Variants in CFAP251 observed in about 807,000 individuals in gnomAD.
CFAP251 encodes cilia- and flagella-associated protein 251.
In CFAP251, 93 loss-of-function variants were observed where a neutral mutation model predicts 126.7. That is an observed-to-expected ratio of 0.73 (90% CI 0.62 to 0.87). The LOEUF (loss-of-function observed/expected upper bound fraction) is 0.87. Among genes scored for constraint, CFAP251 ranks in the 40% least tolerant of loss-of-function variants. CFAP251 has a pLI of 0.00. For synonymous variants in CFAP251, 503 were observed against 506.9 expected, an observed-to-expected ratio of 0.99 and a Z score of 0.10; for missense variants, 1,287 against 1,389.2, an observed-to-expected ratio of 0.93 and a Z score of 1.17.
At chr12:121,938,918 C>T (rs1029641836) in intron 5 of CFAP251, among the ~76,000 whole-genome samples, 3 of 151,622 alleles carry the variant, frequency 2.0e-5, no homozygotes, top group Non-Finnish European at 2.9e-5. Context: ...ACCCAGGCGG[C>T]GGAGGTTGCA....
At chr12:121,948,881 C>T in intron 7 of CFAP251, 103 bp from the exon 8 acceptor site, 20 of 643,046 alleles carry the variant, frequency 3.1e-5, no homozygotes, top group Middle Eastern at 4.3e-4. Context: ...GTTTTATATT[C>T]CTACTCATTT....
intron 2 of CFAP251, among the ~76,000 whole-genome samples, chr12:121,921,904 C>T (rs1268953462): frequency 6.6e-6 from 1 of 151,514 alleles, no homozygotes; most frequent in African/African-American, 2.4e-5. Flanking sequence ...TCTCCTGCCT[C>T]AGTCTCCTGA....
At chr12:121,939,076 A>G (rs913336221) in intron 5 of CFAP251, among the ~76,000 whole-genome samples, 2 of 152,142 alleles carry the variant, frequency 1.3e-5, no homozygotes, top group Admixed American at 6.5e-5. Flanking sequence ...GAGGTAATCA[A>G]TTTGGTGTGT....
rs1882163630 is a variant in CFAP251 at position 121,966,935 on chromosome 12, CTT to C, written c.2493-18_2493-17del. On this transcript the variant is annotated intron_variant, in intron 15 of 21. Transcript: ENST00000288912. ...TGAGATTTGTGGAATTTTAAAAACTCTTTCTCTTTTTGCCTTCAGAAAGACGC... is the reference window on the plus strand; with the variant it reads ...TGAGATTTGTGGAATTTTAAAAACTCTCTCTTTTTGCCTTCAGAAAGACGC... 2 of 1,608,374 alleles carry C rather than the reference CTT, an allele frequency of 1.2e-6. No individual in the cohort carries two copies. Among genetic ancestry groups the C allele is most frequent in the African/African-American group, 2.7e-5 (2 of 74,776 alleles).
At chr12:122,003,572 C>T (rs750158641) in intron 21 of CFAP251, 80 bp from the exon 22 acceptor site, 2 of 1,169,300 alleles carry the variant, frequency 1.7e-6, no homozygotes, top group Non-Finnish European at 2.5e-6. Context: ...GGCCCTGTCT[C>T]AAACCCCTCC....
At position 121,949,001 on chromosome 12, in the gene CFAP251, C is replaced by A; in HGVS notation, c.1209C>A (p.Asn403Lys). 2 of 1,577,996 alleles carry A rather than the reference C, an allele frequency of 1.3e-6. No homozygotes were observed. The highest frequency in any genetic ancestry group is 1.2e-5 in the South Asian group (1 of 84,796). The change falls in exon 8 of 22, where the codon AAC (asparagine) becomes AAA (lysine). Residue 403 changes from asparagine to lysine, a missense_variant. By Grantham distance (94) the Asn-to-Lys change is moderately conservative (BLOSUM62 0). Transcript: ENST00000288912. ...EYGVQNYVTF[N>K]PTNNKELVSN... is the part of the protein sequence containing the mutation. Reference sequence around the variant, plus strand: ...TATTTCAGAACTACGTTACTTTTAACCCAACAAATAATAAAGAATTGGTGA... The same window carrying A: ...TATTTCAGAACTACGTTACTTTTAAACCAACAAATAATAAAGAATTGGTGA...
intron 5 of CFAP251, among the ~76,000 whole-genome samples, chr12:121,941,330 C>CTTT (rs68005842): frequency 0.057 from 4,985 of 87,604 alleles, 508 homozygotes; most frequent in African/African-American, 0.16. Context: ...CCATGCTGGC[C>CTTT]TTTTTTTTTT....
chr12:121,950,421 T>C (rs1252897217), intron 8 of CFAP251: 1 of 152,186 alleles, frequency 6.6e-6, no homozygotes, highest in East Asian at 1.9e-4. Context: ...CACCGCTGAA[T>C]TGCACACTTT....
intron 17 of CFAP251, chr12:121,971,800 T>A: frequency 1.8e-6 from 1 of 557,312 alleles, no homozygotes; most frequent in Non-Finnish European, 3.3e-6. Flanking sequence ...CATCTTGAAT[T>A]GTACTCCGAT....
intron 19 of CFAP251, chr12:121,997,648 C>T (rs1045836821): frequency 6.7e-6 from 1 of 149,356 alleles, no homozygotes. Context: ...TAAATTGATT[C>T]CTAAGTACTT....
rs147413388 is a variant in CFAP251, at chr12:122,002,655, C to T, written c.3338-997C>T. On this transcript the variant is annotated intron_variant, in intron 21 of 21. Coordinates refer to ENST00000288912, the MANE Select transcript of CFAP251 (RefSeq NM_144668.6). ...AACTTTCAGGTTTTTAAAGATCATC[C>T]TCCTGTCCCTTCCTGCTATAGCCTA... 6.4e-3 allele frequency among the ~76,000 whole-genome samples: 981 copies of T among 152,318 alleles called. 4 individuals carry two copies. Among genetic ancestry groups the T allele is most frequent in the Admixed American group, 9.2e-3 (140 of 15,294 alleles).
At chr12:121,960,293 C>T (rs1053649593) in intron 13 of CFAP251, among the ~76,000 whole-genome samples, 3 of 151,566 alleles carry the variant, frequency 2.0e-5, no homozygotes, top group African/African-American at 4.9e-5. Context: ...GATCTTGGCT[C>T]GCTGCAACCT....
chr12:122,000,271 G>A (rs548717939), intron 20 of CFAP251, among the ~76,000 whole-genome samples: 3 of 152,330 alleles, frequency 2.0e-5, no homozygotes, highest in African/African-American at 7.2e-5. Context: ...TTGGGTTGGG[G>A]CCGGGCGCAG....
chr12:121,943,879 T>C (rs1881221803), intron 7 of CFAP251, among the ~76,000 whole-genome samples: 1 of 152,208 alleles, frequency 6.6e-6, no homozygotes, highest in South Asian at 2.1e-4. Context: ...AAAAAGATAT[T>C]AATATCTGTG....
intron 19 of CFAP251, among the ~76,000 whole-genome samples, chr12:121,978,137 A>C (rs987544789): frequency 1.3e-5 from 2 of 151,468 alleles, no homozygotes; most frequent in Non-Finnish European, 2.9e-5. Context: ...TCACGCCTGT[A>C]ATCCCAGCAC....
At chr12:121,930,818 A>C (rs2135752169) in intron 3 of CFAP251, among the ~76,000 whole-genome samples, 1 of 144,380 alleles carries the variant, frequency 6.9e-6, no homozygotes, top group South Asian at 2.2e-4. Flanking sequence ...GCACGATCTT[A>C]GCTCACTGCA....
chr12:121,958,692 G>A (rs904241336), intron 12 of CFAP251, among the ~76,000 whole-genome samples, 170 bp downstream of exon 12: 4 of 151,530 alleles, frequency 2.6e-5, no homozygotes, highest in Admixed American at 6.6e-5. Flanking sequence ...CTATCTGTGC[G>A]TCTCTGCGCG....
intron 3 of CFAP251, among the ~76,000 whole-genome samples, chr12:121,928,249 G>A (rs185720722): frequency 3.3e-5 from 5 of 152,126 alleles, no homozygotes; most frequent in African/African-American, 1.2e-4. Flanking sequence ...CAGCTTTTAA[G>A]AAACAGCCAA....
Position 121,993,846 on chromosome 12 carries a change from G to C in CFAP251, c.3007-5870G>C, listed in dbSNP as rs1306230186. ...AGCCGCCCCGTCCGGGAGGGAGGTG[G>C]GGGGGGTCAGCCCCCCCGCCCGGCC... is the stretch of plus-strand genomic sequence containing the variant. On this transcript the variant is annotated intron_variant, in intron 19 of 21. Transcript: ENST00000288912. 3.5e-3 allele frequency among the ~76,000 whole-genome samples: 430 copies of C among 124,552 alleles called. 1 individual carries two copies. Among genetic ancestry groups the C allele is most frequent in the Non-Finnish European group, 6.0e-3 (344 of 56,950 alleles). 81.7% of individuals were successfully genotyped at this position (124,552 alleles called of 152,430 possible). A position where few individuals can be genotyped will look rare whatever the true frequency, so the allele number is the denominator to read the frequency against.
Sources: allele counts gnomAD v4.1 joint callset (sites outside exome capture counted in the v4.1 genomes callset), GRCh38; gene constraint gnomAD v4.1.1; transcripts MANE v1.5; gene names NCBI Gene and HGNC (gene_info 2026-07-23, HGNC 2026-07-21).